CKAP5: variants seen among roughly 807,000 people sequenced by gnomAD.
CKAP5 encodes the protein cytoskeleton associated protein 5, also known as cytoskeleton-associated protein 5.
Under a neutral mutation model 232.8 loss-of-function variants are expected in CKAP5, and 27 were observed. That is an observed-to-expected ratio of 0.12 (90% CI 0.09 to 0.16). CKAP5 has a LOEUF of 0.16. CKAP5 is among the 10% of genes least tolerant of loss of function. The pLI, the probability that CKAP5 is intolerant of heterozygous loss-of-function variation, is 1.00. For synonymous variants in CKAP5, 785 were observed against 841.1 expected (o/e 0.93, Z 1.16); for missense variants, 1,838 against 2,424.7 (o/e 0.76, Z 5.08).
chr11:46,749,723 G>A (rs1301836383), intron 42 of CKAP5, among the ~76,000 whole-genome samples: 1 of 152,000 alleles, frequency 6.6e-6, no homozygotes, highest in Non-Finnish European at 1.5e-5. Context: ...GGAGGCTGAG[G>A]CGGGCGGATC....
intron 20 of CKAP5, 63 bp downstream of exon 20, chr11:46,780,131 C>T: frequency 1.3e-6 from 2 of 1,569,500 alleles, no homozygotes; most frequent in Non-Finnish European, 1.8e-6. Flanking sequence ...CTACACCCAA[C>T]AGTTTAGTCT....
At chr11:46,766,618 T>C (rs974535233) in intron 27 of CKAP5, among the ~76,000 whole-genome samples, 2 of 152,156 alleles carry the variant, frequency 1.3e-5, no homozygotes, top group Non-Finnish European at 2.9e-5. Flanking sequence ...AATTCTCTAT[T>C]TAGACTTACT....
intron 42 of CKAP5, among the ~76,000 whole-genome samples, chr11:46,747,867 C>G (rs1159154171): frequency 6.6e-6 from 1 of 152,094 alleles, no homozygotes; most frequent in African/African-American, 2.4e-5. Flanking sequence ...AGAGACCAGC[C>G]TGGGCAACAA....
intron 24 of CKAP5, among the ~76,000 whole-genome samples, chr11:46,774,252 T>C (rs1314192399): frequency 6.6e-6 from 1 of 152,160 alleles, no homozygotes; most frequent in African/African-American, 2.4e-5. Context: ...AGCCAAATCA[T>C]GAGCAAACTC....
chr11:46,817,287 T>A (rs7105217), intron 3 of CKAP5, among the ~76,000 whole-genome samples: 22,470 of 151,830 alleles, frequency 0.15, 2,522 homozygotes, highest in African/African-American at 0.32. Context: ...GGCAAAAAAA[T>A]TTTTTAAGTC....
intron 8 of CKAP5, among the ~76,000 whole-genome samples, chr11:46,806,614 G>C (rs781754597): frequency 1.4e-4 from 21 of 152,162 alleles, no homozygotes; most frequent in Non-Finnish European, 2.6e-4. Flanking sequence ...ATTGATGACT[G>C]AACAAAGATT....
intron 1 of CKAP5, among the ~76,000 whole-genome samples, chr11:46,828,855 G>A (rs1939713689): frequency 1.3e-5 from 2 of 152,082 alleles, no homozygotes; most frequent in Admixed American, 1.3e-4. Context: ...CAAAGATGGG[G>A]TGGGGGTGTG....
chr11:46,767,633 G>A lies in CKAP5; in HGVS notation c.3353C>T (p.Thr1118Ile). The change falls in exon 27 of 44, where the codon ACA (threonine) becomes ATA (isoleucine). Residue 1118 changes from threonine to isoleucine, a missense_variant. Physicochemically the swap from Thr to Ile is moderately conservative, Grantham distance 89. This residue lies in a region of CKAP5 where 767 missense variants were observed against 954.6 expected (regional missense o/e 0.80). Transcript: ENST00000529230. ...APAEDCISSS[T>I]EPKPDPKKAK... ...CTTTTTTGGATCAGGTTTGGGTTCT[G>A]TACTGCTGGAAATACAATCTTCAGC... is the stretch of plus-strand genomic sequence containing the variant. The A allele has an allele frequency of 6.2e-7, 1 of 1,611,112 alleles. No homozygotes were observed. The highest frequency in any genetic ancestry group is 1.1e-5 in the South Asian group (1 of 90,606).
intron 40 of CKAP5, 21 bp from the exon 41 acceptor site, chr11:46,750,632 G>A (rs767237120): frequency 2.5e-6 from 4 of 1,584,476 alleles, no homozygotes; most frequent in Admixed American, 1.7e-5. Flanking sequence ...GAAAGACATA[G>A]GAAGAATTGG....
At chr11:46,816,988 T>C (rs56988768) in intron 3 of CKAP5, among the ~76,000 whole-genome samples, 1 of 151,656 alleles carries the variant, frequency 6.6e-6, no homozygotes, top group Non-Finnish European at 1.5e-5. Context: ...TGCCTGTAAT[T>C]CCAGCTACTC....
intron 38 of CKAP5, among the ~76,000 whole-genome samples, chr11:46,752,185 TATATATATACACACACAC>T (rs1205329186): frequency 0.016 from 1,109 of 68,280 alleles, 13 homozygotes; most frequent in African/African-American, 0.045. Flanking sequence ...TATATATATA[TATATATATACACACACAC>T]ACACACACAC....
At chr11:46,843,754 A>G (rs531573607) in intron 1 of CKAP5, among the ~76,000 whole-genome samples, 31 of 150,366 alleles carry the variant, frequency 2.1e-4, no homozygotes, top group Admixed American at 8.6e-4. Flanking sequence ...AAAAATTGAG[A>G]GAACACAAAG....
chr11:46,787,711 A>G (rs2065408200), intron 16 of CKAP5, among the ~76,000 whole-genome samples: 1 of 152,240 alleles, frequency 6.6e-6, no homozygotes. Flanking sequence ...AAAAAAATGT[A>G]TATATCTAAA....
At chr11:46,790,404 CCA>C in intron 14 of CKAP5, 64 bp downstream of exon 14, 2 of 1,178,618 alleles carry the variant, frequency 1.7e-6, no homozygotes, top group East Asian at 4.7e-5. Context: ...GCAAAGAACT[CCA>C]GTCTTCTCAT....
intron 1 of CKAP5, among the ~76,000 whole-genome samples, chr11:46,845,416 C>T (rs1407587249): frequency 6.6e-6 from 1 of 152,214 alleles, no homozygotes; most frequent in Non-Finnish European, 1.5e-5. Flanking sequence ...TATTTTCTAA[C>T]ACACACTAGC....
intron 23 of CKAP5, among the ~76,000 whole-genome samples, 162 bp from the exon 24 acceptor site, chr11:46,776,545 T>C (rs1345697916): frequency 6.6e-6 from 1 of 152,240 alleles, no homozygotes; most frequent in Non-Finnish European, 1.5e-5. Flanking sequence ...TCTATGATTG[T>C]ACTAAAACTC....
intron 18 of CKAP5, among the ~76,000 whole-genome samples, chr11:46,781,182 C>T (rs1266676964): frequency 1.3e-5 from 2 of 152,198 alleles, no homozygotes; most frequent in Admixed American, 1.3e-4. Context: ...CAGTAAAGAG[C>T]CACATTGTTC....
At position 46,788,675 on chromosome 11, in the gene CKAP5, A is replaced by G; in HGVS notation, c.1968+6T>C. 1 of 1,534,790 alleles carries G rather than the reference A, an allele frequency of 6.5e-7. No individual in the cohort carries two copies. The highest frequency in any genetic ancestry group is 9.0e-7 in the Non-Finnish European group (1 of 1,108,756). ...AAAAGACATCAAATCTCACATTTTAAAATACCTGAAAATTAGTTTCTTTCC... is the reference window on the plus strand; with the variant it reads ...AAAAGACATCAAATCTCACATTTTAGAATACCTGAAAATTAGTTTCTTTCC... On this transcript the variant is annotated splice_donor_region_variant and intron_variant, in intron 16 of 43. Coordinates refer to ENST00000529230, the MANE Select transcript of CKAP5 (RefSeq NM_001008938.4).
At chr11:46,820,772 A>T (rs1214346489) in intron 2 of CKAP5, 1 of 153,806 alleles carries the variant, frequency 6.5e-6, no homozygotes, top group Non-Finnish European at 1.4e-5. Flanking sequence ...AATGCCGATC[A>T]TATAAATCAG....
Sources: allele counts gnomAD v4.1 joint callset (sites outside exome capture counted in the v4.1 genomes callset), GRCh38; gene constraint gnomAD v4.1.1; regional missense constraint gnomAD v4.1.1; transcripts MANE v1.5; gene names NCBI Gene and HGNC (gene_info 2026-07-23, HGNC 2026-07-21).